The following HYCC2 variants were observed in gnomAD, a reference collection of about 807,000 sequenced individuals.
HYCC2 encodes hyccin 2.
At chr2:201,013,053 T>A in the HYCC2 span, among the ~76,000 whole-genome samples, 1 of 152,152 alleles carries the variant, frequency 6.6e-6, no homozygotes, top group Admixed American at 6.6e-5. Flanking sequence ...CTTATTTTTG[T>A]CTATTTCCCT....
At chr2:201,038,213 G>T in the HYCC2 span, among the ~76,000 whole-genome samples, 1 of 152,186 alleles carries the variant, frequency 6.6e-6, no homozygotes, top group Admixed American at 6.5e-5. Context: ...ACACCAGTTA[G>T]AATGGCGATC....
chr2:200,989,349 C>G, the HYCC2 span, among the ~76,000 whole-genome samples: 1 of 152,050 alleles, frequency 6.6e-6, no homozygotes, highest in Non-Finnish European at 1.5e-5. Flanking sequence ...GTTCAAGGTA[C>G]TACTATGATG....
the HYCC2 span, among the ~76,000 whole-genome samples, chr2:201,026,924 T>C: frequency 4.6e-5 from 7 of 151,778 alleles, no homozygotes; most frequent in Non-Finnish European, 8.8e-5. Flanking sequence ...CAAGAGCAAA[T>C]ACATTCAAAA....
the HYCC2 span, among the ~76,000 whole-genome samples, chr2:201,051,345 T>C: frequency 6.6e-6 from 1 of 152,140 alleles, no homozygotes; most frequent in Non-Finnish European, 1.5e-5. Context: ...CTATTCAACA[T>C]TGTACTGGAA....
At chr2:201,028,068 T>A in the HYCC2 span, among the ~76,000 whole-genome samples, 1 of 152,102 alleles carries the variant, frequency 6.6e-6, no homozygotes, top group South Asian at 2.1e-4. Flanking sequence ...GAAAACCCCA[T>A]CATCTCAGCC....
the HYCC2 span, among the ~76,000 whole-genome samples, chr2:201,069,531 TAC>T: frequency 6.3e-5 from 9 of 142,798 alleles, no homozygotes; most frequent in Admixed American, 6.8e-4. Flanking sequence ...GTAGGCTGGT[TAC>T]ATAAGAAGAA....
At chr2:201,058,427 T>C in the HYCC2 span, among the ~76,000 whole-genome samples, 1 of 152,240 alleles carries the variant, frequency 6.6e-6, no homozygotes, top group Non-Finnish European at 1.5e-5. Context: ...TCACAGGTAT[T>C]AGGCCCAGCA....
the HYCC2 span, chr2:201,063,914 G>A: frequency 2.5e-5 from 40 of 1,596,950 alleles, no homozygotes; most frequent in East Asian, 2.7e-4. Context: ...TTTTGGACCC[G>A]TGAAGGGAGG....
At chr2:201,033,730 C>T in the HYCC2 span, among the ~76,000 whole-genome samples, 2 of 151,750 alleles carry the variant, frequency 1.3e-5, no homozygotes, top group South Asian at 2.1e-4. Context: ...ATATAGAGAG[C>T]GGGTTTTCCT....
chr2:201,017,525 TA>T, the HYCC2 span, among the ~76,000 whole-genome samples: 1 of 152,192 alleles, frequency 6.6e-6, no homozygotes, highest in Non-Finnish European at 1.5e-5. Context: ...TCCATTGAAA[TA>T]AAATAATTTT....
At chr2:200,999,773 A>T in the HYCC2 span, among the ~76,000 whole-genome samples, 1 of 150,602 alleles carries the variant, frequency 6.6e-6, no homozygotes, top group Non-Finnish European at 1.5e-5. Flanking sequence ...GACTATAAAG[A>T]AATAGAAGGG....
chr2:200,976,267 G>C, the HYCC2 span: 1 of 152,088 alleles, frequency 6.6e-6, no homozygotes, highest in East Asian at 1.9e-4. Context: ...CAGATTTTCT[G>C]ATCATTGGCA....
the HYCC2 span, among the ~76,000 whole-genome samples, chr2:200,985,857 A>G: frequency 6.6e-6 from 1 of 152,142 alleles, no homozygotes; most frequent in African/African-American, 2.4e-5. Context: ...CATTTGTTTC[A>G]AAGTGTATGA....
chr2:201,056,598 CG>C, the HYCC2 span, among the ~76,000 whole-genome samples: 1 of 149,494 alleles, frequency 6.7e-6, no homozygotes, highest in Non-Finnish European at 1.5e-5. Context: ...TGCTTGAACC[CG>C]GGAGGCGGAG....
the HYCC2 span, chr2:201,063,269 A>G: frequency 1.3e-6 from 2 of 1,568,644 alleles, no homozygotes; most frequent in Non-Finnish European, 1.7e-6. Context: ...TGGGTTTGTC[A>G]CATATGCCAC....
chr2:201,035,220 C>T, the HYCC2 span, among the ~76,000 whole-genome samples: 5 of 152,178 alleles, frequency 3.3e-5, no homozygotes, highest in Non-Finnish European at 7.3e-5. Flanking sequence ...TCCATTCTCC[C>T]CGTCACTTTC....
chr2:201,046,693 C>T, the HYCC2 span, among the ~76,000 whole-genome samples: 14 of 152,232 alleles, frequency 9.2e-5, no homozygotes, highest in African/African-American at 3.1e-4. Context: ...AGTAGACTCT[C>T]AGTTTAAAAA....
the HYCC2 span, chr2:200,988,374 A>C: frequency 1.2e-6 from 2 of 1,613,648 alleles, no homozygotes; most frequent in Non-Finnish European, 1.7e-6. Context: ...CTTCTTGTGT[A>C]GAATCAGGAG....
chr2:201,056,520 C>A, the HYCC2 span, among the ~76,000 whole-genome samples: 49 of 151,926 alleles, frequency 3.2e-4, no homozygotes, highest in Middle Eastern at 3.4e-3. Context: ...ACTAAAAATA[C>A]AAAATTAGCC....
Sources: allele counts gnomAD v4.1 joint callset (sites outside exome capture counted in the v4.1 genomes callset), GRCh38; gene constraint gnomAD v4.1.1; transcripts MANE v1.5; gene names NCBI Gene and HGNC (gene_info 2026-07-23, HGNC 2026-07-21).